The following SHPRH variants were observed in gnomAD, a reference collection of about 807,000 sequenced individuals.
The protein encoded by SHPRH is E3 ubiquitin-protein ligase SHPRH.
In SHPRH, 106 loss-of-function variants were observed where a neutral mutation model predicts 202.5. The observed-to-expected ratio is 0.52, with a 90% CI of 0.45 to 0.62. The LOEUF (loss-of-function observed/expected upper bound fraction) is 0.62, where lower values mean the gene tolerates loss of function less well. SHPRH is among the 20% of genes least tolerant of loss of function. The pLI, the probability that SHPRH is intolerant of heterozygous loss-of-function variation, is 0.00. For synonymous variants in SHPRH, 729 were observed against 686.0 expected (o/e 1.06, Z -0.98); for missense variants, 1,710 against 2,020.0 (o/e 0.85, Z 2.94).
rs1427590173 is a variant in SHPRH, at chr6:145,922,767, C to T, written c.3615G>A (p.Lys1205=). 1 of 1,611,992 alleles carries T rather than the reference C, an allele frequency of 6.2e-7. No individual in the cohort carries two copies. The highest frequency in any genetic ancestry group is 1.3e-5 in the African/African-American group (1 of 74,758). The change falls in exon 19 of 30, where the codon AAG becomes AAA. Residue 1205 remains lysine (K), a synonymous_variant. Coordinates refer to ENST00000275233, the MANE Select transcript of SHPRH (RefSeq NM_001042683.3). ...GGTTTTTTACAGCCTCTCTTACTAG[C>T]TTCTGGCATTTATTTAGCTCTTCCA... ...TQMEELNKCQ[K]LVREAVKNLE...
At chr6:145,883,437 T>G (rs1304564813), downstream of SHPRH, 4 of 152,262 alleles carry the variant, frequency 2.6e-5, no homozygotes, top group African/African-American at 9.6e-5. Flanking sequence ...TTTCTGTATG[T>G]GATACTATCT....
chr6:145,944,075 CCTA>C (rs1240193184), intron 8 of SHPRH, among the ~76,000 whole-genome samples: 1 of 152,078 alleles, frequency 6.6e-6, no homozygotes, highest in African/African-American at 2.4e-5. Flanking sequence ...TTGTTATTTA[CCTA>C]CTATGATTTA....
intron 3 of SHPRH, chr6:145,951,794 G>A (rs1788002798): frequency 2.2e-6 from 1 of 455,932 alleles, no homozygotes; most frequent in African/African-American, 2.0e-5. Flanking sequence ...GACCCACCAT[G>A]AGCAGAACTT....
At chr6:145,887,716 G>C (rs1393599235) in intron 29 of SHPRH, among the ~76,000 whole-genome samples, 1 of 151,974 alleles carries the variant, frequency 6.6e-6, no homozygotes, top group Non-Finnish European at 1.5e-5. Context: ...TGTGTTTTTA[G>C]TAGAGATGGG....
At chr6:145,875,820 G>C (rs990310384) in intron 2 of SHPRH, among the ~76,000 whole-genome samples, 3 of 152,120 alleles carry the variant, frequency 2.0e-5, no homozygotes, top group East Asian at 1.9e-4. Flanking sequence ...TTTAACTGTG[G>C]CTGCCAGATA....
At chr6:145,943,024 A>T in intron 9 of SHPRH, 119 bp downstream of exon 9, 2 of 1,164,942 alleles carry the variant, frequency 1.7e-6, no homozygotes, top group Non-Finnish European at 2.4e-6. Context: ...ATTTAACATT[A>T]CTATTAAATC....
chr6:145,864,864 C>A (rs111329046), intron 2 of SHPRH, among the ~76,000 whole-genome samples: 2,296 of 152,008 alleles, frequency 0.015, 30 homozygotes, highest in South Asian at 0.057. Flanking sequence ...ATTAATGCCA[C>A]TATCATTTTT....
In SHPRH at chr6:145,924,766, C is replaced by T. The variant is rs1286930662; in HGVS notation, c.3375G>A (p.Gln1125=). The T allele has an allele frequency of 4.3e-6, 7 of 1,611,582 alleles. No homozygotes were observed. The highest frequency in any genetic ancestry group is 5.9e-6 in the Non-Finnish European group (7 of 1,178,376). ...TTCTTTGAAGCTCATGGATGGTCTG[C>T]TGCACAGGATATAAAGCTTGCTGGG... ...AEAQQALYPV[Q]QTIHELQRKI... Residue 1125 remains glutamine (Q), a synonymous_variant, in exon 17 of 30, where the codon CAG becomes CAA. Coordinates refer to ENST00000275233, the MANE Select transcript of SHPRH (RefSeq NM_001042683.3).
At chr6:145,946,367 A>C in intron 6 of SHPRH, 26 bp from the exon 7 acceptor site, 1 of 1,554,592 alleles carries the variant, frequency 6.4e-7, no homozygotes, top group Non-Finnish European at 8.8e-7. Context: ...GTCAGTAGTT[A>C]CACAGTGTTT....
rs1422288929 is a variant in SHPRH, at chr6:145,893,210, C to A, written c.4874+5G>T. 1 of 1,485,328 alleles carries A rather than the reference C, an allele frequency of 6.7e-7. No individual in the cohort carries two copies. Among genetic ancestry groups the A allele is most frequent in the Admixed American group, 2.5e-5 (1 of 39,794 alleles). The allele number at this position is 1,485,328 out of a possible 1,614,324, so 92.0% of individuals were successfully genotyped here. A position where few individuals can be genotyped will look rare whatever the true frequency, so the allele number is the denominator to read the frequency against. On this transcript the variant is annotated splice_donor_5th_base_variant and intron_variant, in intron 28 of 29. Transcript: ENST00000275233. ...AATGTGACTGATTCTAATTTTAGTC[C>A]TTACTTTGTCTGTCCAATTCGGTGC...
intron 4 of SHPRH, 23 bp downstream of exon 4, chr6:145,950,241 T>C: frequency 6.2e-7 from 1 of 1,607,020 alleles, no homozygotes. Context: ...CAATTGGACT[T>C]TCTTTAAACA....
intron 13 of SHPRH, 163 bp from the exon 14 acceptor site, chr6:145,933,341 A>C (rs372546901): frequency 1.0e-6 from 1 of 967,886 alleles, no homozygotes; most frequent in East Asian, 2.6e-5. Flanking sequence ...TTTTTCCCAC[A>C]TAAGTACCTT....
downstream of SHPRH, among the ~76,000 whole-genome samples, chr6:145,881,046 GGTT>G (rs545042843): frequency 1.6e-4 from 24 of 152,256 alleles, no homozygotes; most frequent in East Asian, 4.6e-3. Context: ...AATGTAAATA[GGTT>G]ATTAGCTATT....
chr6:145,940,741 C>T lies in SHPRH; in HGVS notation c.2551G>A (p.Val851Ile), dbSNP rs1431766914. 1.2e-6 allele frequency: 2 copies of T among 1,613,742 alleles called. No homozygotes were observed. The highest frequency in any genetic ancestry group is 1.7e-6 in the Non-Finnish European group (2 of 1,179,826). ...INRWCISGTP[V>I]QRGLEDLFGL... The stretch of plus-strand genomic sequence containing the variant: ...ACATTACCCTCTAATCCTCTCTGTA[C>T]TGGAGTGCCACTGATACACCATCGA... Residue 851 changes from valine (V) to isoleucine (I), a missense_variant, in exon 11 of 30, where the codon GTA (valine) becomes ATA (isoleucine). By Grantham distance (29) the Val-to-Ile change is conservative. Around this residue, in one of 8 missense-constraint regions of SHPRH, gnomAD observed 277 missense variants for 363.0 expected, o/e 0.76. Coordinates refer to ENST00000275233, the MANE Select transcript of SHPRH (RefSeq NM_001042683.3).
intron 25 of SHPRH, among the ~76,000 whole-genome samples, chr6:145,901,855 T>TG (rs776081811): frequency 5.9e-5 from 9 of 152,078 alleles, no homozygotes; most frequent in Non-Finnish European, 1.3e-4. Context: ...GCTTATTGCT[T>TG]GGTTTTCCTT....
chr6:145,932,856 T>C (rs995188076), intron 14 of SHPRH, among the ~76,000 whole-genome samples: 1 of 152,300 alleles, frequency 6.6e-6, no homozygotes, highest in Admixed American at 6.5e-5. Flanking sequence ...TTAAATCATA[T>C]GTAAACTTTG....
At position 145,952,475 on chromosome 6, in the gene SHPRH, C is replaced by T. The variant is rs761073443; in HGVS notation, c.637G>A (p.Gly213Arg). The change falls in exon 3 of 30, where the codon GGA (glycine) becomes AGA (arginine). Residue 213 changes from glycine (G) to arginine (R), a missense_variant. Physicochemically the swap from Gly to Arg is moderately radical, Grantham distance 125. This residue lies in a region of SHPRH where 459 missense variants were observed against 426.5 expected (regional missense o/e 1.08). Coordinates refer to ENST00000275233, the MANE Select transcript of SHPRH (RefSeq NM_001042683.3). ...AGGCCAGCTTCCAAAAGATAAATTC[C>T]AACCTAAAAACAATTAATCAAAATA... ...KPEGNHIIKV[G>R]IYLLEAGLAK... 31 of 1,602,512 alleles carry T rather than the reference C, an allele frequency of 1.9e-5. No homozygotes were observed. The highest frequency in any genetic ancestry group is 6.9e-5 in the Admixed American group (4 of 58,394).
chr6:145,904,360 A>G (rs758967595), intron 25 of SHPRH: 1 of 152,116 alleles, frequency 6.6e-6, no homozygotes, highest in Non-Finnish European at 1.5e-5. Flanking sequence ...TATAAAGAAA[A>G]AAACTAGGTT....
chr6:145,928,663 T>C (rs1785123116), intron 14 of SHPRH, among the ~76,000 whole-genome samples: 1 of 151,974 alleles, frequency 6.6e-6, no homozygotes, highest in Non-Finnish European at 1.5e-5. Context: ...CCTTTTTAAG[T>C]GTGTAGTTCA....
Sources: allele counts gnomAD v4.1 joint callset (sites outside exome capture counted in the v4.1 genomes callset), GRCh38; gene constraint gnomAD v4.1.1; regional missense constraint gnomAD v4.1.1; transcripts MANE v1.5; gene names NCBI Gene and HGNC (gene_info 2026-07-23, HGNC 2026-07-21).